BLVRA: variants seen among roughly 807,000 people sequenced by gnomAD.
The protein encoded by BLVRA is biliverdin reductase A, also known as BVR A.
A neutral mutation model predicts 32.8 loss-of-function variants in BLVRA; 22 were observed. That is an observed-to-expected ratio of 0.67 (90% CI 0.48 to 0.96). The LOEUF is 0.96. Among genes scored for constraint, BLVRA ranks in the 40% least tolerant of loss-of-function variants. The pLI, the probability that BLVRA is intolerant of heterozygous loss-of-function variation, is 0.00. For synonymous variants in BLVRA, 119 were observed against 141.3 expected (o/e 0.84, Z 1.12); for missense variants, 323 against 358.1 (o/e 0.90, Z 0.79).
rs192023159 is a variant in BLVRA, at chr7:43,780,263, T to G, written c.13-7641T>G. On this transcript the variant is annotated intron_variant, in intron 2 of 7. Coordinates refer to ENST00000265523, the MANE Select transcript of BLVRA (RefSeq NM_000712.4). ...TCACCTGCCCCAAATCTGCTCCTCC[T>G]CGAAGGGCCATCTGTGGGCCAGGCG... 4.6e-3 allele frequency among the ~76,000 whole-genome samples: 699 copies of G among 152,226 alleles called. 6 individuals are homozygous for G. The highest frequency in any genetic ancestry group is 0.016 in the African/African-American group (659 of 41,536).
intron 2 of BLVRA, among the ~76,000 whole-genome samples, chr7:43,774,605 T>C (rs1298992177): frequency 6.6e-6 from 1 of 152,264 alleles, no homozygotes; most frequent in Non-Finnish European, 1.5e-5. Flanking sequence ...TGGCTTAGGA[T>C]TGACTTGGCA....
chr7:43,802,138 A>AAAAC (rs924777726), intron 6 of BLVRA, among the ~76,000 whole-genome samples: 9 of 152,020 alleles, frequency 5.9e-5, no homozygotes, highest in South Asian at 2.1e-4. Flanking sequence ...CTCTGTCTCA[A>AAAAC]AAACAAACAA....
Position 43,807,047 on chromosome 7 carries a change from TC to T in BLVRA, c.704del (p.Ser235LeufsTer10). 1 of 1,614,184 alleles carries T rather than the reference TC, an allele frequency of 6.2e-7. No homozygotes were observed. The highest frequency in any genetic ancestry group is 8.5e-7 in the Non-Finnish European group (1 of 1,180,008). On this transcript the variant is annotated frameshift_variant, in exon 8 of 8. Coordinates refer to ENST00000265523, the MANE Select transcript of BLVRA (RefSeq NM_000712.4). LOFTEE classifies it high-confidence loss of function. ...RNRYLSFHFK[S>X]GSLENVPNVG... Reference sequence around the variant, plus strand: ...CAGATATTTAAGCTTCCATTTCAAGTCTGGGTCCTTGGAGAATGTGCCAAAT... The same window carrying T: ...CAGATATTTAAGCTTCCATTTCAAGTTGGGTCCTTGGAGAATGTGCCAAAT...
intron 3 of BLVRA, among the ~76,000 whole-genome samples, chr7:43,789,256 A>G (rs2095782417): frequency 6.6e-6 from 1 of 152,204 alleles, no homozygotes; most frequent in African/African-American, 2.4e-5. Context: ...CATCAGATAA[A>G]TATTTACACA....
intron 2 of BLVRA, among the ~76,000 whole-genome samples, chr7:43,784,226 G>A (rs1035395083): frequency 6.6e-6 from 1 of 152,200 alleles, no homozygotes; most frequent in Non-Finnish European, 1.5e-5. Context: ...AAAGGTTCAG[G>A]ATAGCAGAGC....
In BLVRA at chr7:43,770,735, A is replaced by G. The variant is rs140541441; in HGVS notation, c.-21-403A>G. On this transcript the variant is annotated intron_variant, in intron 1 of 7. Coordinates refer to ENST00000265523, the MANE Select transcript of BLVRA (RefSeq NM_000712.4). ...TCCTCCAGAAACTCAGCTAGGAAGA[A>G]AAAAAAGTACATATTTCTTATTGCC... 2.0e-5 allele frequency among the ~76,000 whole-genome samples: 3 copies of G among 152,282 alleles called. No individual in the cohort carries two copies. In the East Asian group the frequency reaches 5.8e-4, roughly 29 times the overall value.
rs183403226 is a variant in BLVRA at position 43,783,432 on chromosome 7, G to A, written c.13-4472G>A. Reference sequence around the variant, plus strand: ...AGGCTGTCGTTTGCTTCTTTCACCCGATCATCTATCTTGGAGACCAGTCCC... The same window carrying A: ...AGGCTGTCGTTTGCTTCTTTCACCCAATCATCTATCTTGGAGACCAGTCCC... On this transcript the variant is annotated intron_variant, in intron 2 of 7. Transcript: ENST00000265523. Among the ~76,000 whole-genome samples, 17 of 152,202 alleles carry A rather than the reference G, an allele frequency of 1.1e-4. 1 individual carries two copies. The East Asian group carries it at 2.5e-3, about 22-fold the overall frequency.
chr7:43,766,517 TATA>T (rs2095748115), intron 1 of BLVRA, among the ~76,000 whole-genome samples: 1 of 152,158 alleles, frequency 6.6e-6, no homozygotes, highest in African/African-American at 2.4e-5. Flanking sequence ...TATTTTAAGA[TATA>T]TTAAAATACA....
intron 1 of BLVRA, among the ~76,000 whole-genome samples, chr7:43,763,855 C>T (rs759301779): frequency 1.3e-5 from 2 of 152,188 alleles, no homozygotes; most frequent in Admixed American, 1.3e-4. Flanking sequence ...AAACCTCAGA[C>T]TTTGAAAAGG....
chr7:43,795,286 C>T (rs868581145), intron 5 of BLVRA, among the ~76,000 whole-genome samples: 11 of 151,940 alleles, frequency 7.2e-5, no homozygotes, highest in Non-Finnish European at 7.4e-5. Flanking sequence ...GAGGCTGAGG[C>T]GGGCGAATCA....
chr7:43,796,176 C>T (rs1390169197), intron 5 of BLVRA, among the ~76,000 whole-genome samples: 1 of 147,008 alleles, frequency 6.8e-6, no homozygotes, highest in African/African-American at 2.5e-5. Flanking sequence ...AAGACTCAAA[C>T]TAAAGTCAGA....
At chr7:43,768,851 C>T (rs1296496140) in intron 1 of BLVRA, among the ~76,000 whole-genome samples, 1 of 151,960 alleles carries the variant, frequency 6.6e-6, no homozygotes, top group Non-Finnish European at 1.5e-5. Context: ...CTTCATGCAC[C>T]CTCCTACTTA....
chr7:43,760,329 CCAGT>C (rs2095740934), intron 1 of BLVRA, among the ~76,000 whole-genome samples: 1 of 152,034 alleles, frequency 6.6e-6, no homozygotes, highest in South Asian at 2.1e-4. Context: ...CTTATTACTC[CCAGT>C]CATTTTTTCT....
chr7:43,770,788 T>TA (rs1440302988), intron 1 of BLVRA, among the ~76,000 whole-genome samples: 1 of 152,182 alleles, frequency 6.6e-6, no homozygotes, highest in African/African-American at 2.4e-5. Context: ...AAAAGCCAGA[T>TA]AAAAAACTGT....
chr7:43,782,232 A>T (rs543801754), intron 2 of BLVRA, among the ~76,000 whole-genome samples: 8 of 152,188 alleles, frequency 5.3e-5, no homozygotes, highest in Admixed American at 2.6e-4. Flanking sequence ...AGAGCTTGGG[A>T]GGGTCAGTGA....
chr7:43,807,306 T>C lies in BLVRA; in HGVS notation c.*71T>C, dbSNP rs2095805060. ...TTCTTCTCAAGAGTTGACCATTATC[T>C]CTATTCTTAAAATTAAACATGTTGG... On this transcript the variant is annotated 3_prime_UTR_variant, in exon 8 of 8. Transcript: ENST00000265523. 6.3e-7 allele frequency: 1 copy of C among 1,583,344 alleles called. No individual in the cohort carries two copies. The highest frequency in any genetic ancestry group is 8.6e-7 in the Non-Finnish European group (1 of 1,165,852).
intron 4 of BLVRA, chr7:43,791,977 G>A (rs17245981): frequency 0.11 from 17,531 of 157,182 alleles, 1,095 homozygotes; most frequent in Admixed American, 0.19. Context: ...ACCTCTCCTT[G>A]GCTTTCCTTA....
chr7:43,791,850 C>G (rs2132580577), intron 4 of BLVRA: 1 of 178,352 alleles, frequency 5.6e-6, no homozygotes, highest in East Asian at 1.5e-4. Flanking sequence ...CAGGGAAGTG[C>G]CAGCTGCCTT....
chr7:43,799,038 A>C (rs1402364270), intron 5 of BLVRA, among the ~76,000 whole-genome samples: 1 of 152,164 alleles, frequency 6.6e-6, no homozygotes, highest in Non-Finnish European at 1.5e-5. Context: ...ACTTATTGCA[A>C]AGCATTTTGT....
Sources: allele counts gnomAD v4.1 joint callset (sites outside exome capture counted in the v4.1 genomes callset), GRCh38; gene constraint gnomAD v4.1.1; transcripts MANE v1.5; gene names NCBI Gene and HGNC (gene_info 2026-07-23, HGNC 2026-07-21).